Variants in CPM observed in about 807,000 individuals in gnomAD.
The protein encoded by CPM is renal carboxypeptidase.
A neutral mutation model predicts 46.4 loss-of-function variants in CPM; 35 were observed. The ratio of observed to expected loss-of-function variants is 0.75; its 90% CI spans 0.58 to 1.00. CPM has a LOEUF of 1.00. Ranked by LOEUF, CPM falls within the 50% of genes least tolerant of loss-of-function variation. The probability of loss-of-function intolerance (pLI) is 0.00; values close to 1 mark genes in which losing one functional copy is unlikely to be tolerated. For missense variants in CPM, 422 were observed against 530.4 expected, an observed-to-expected ratio of 0.80 and a Z score of 2.01; for synonymous variants, 195 against 195.3, an observed-to-expected ratio of 1.00 and a Z score of 0.01.
chr12:68,842,332 G>C (rs1883839433), intron 5 of CPM: 1 of 495,416 alleles, frequency 2.0e-6, no homozygotes, highest in Non-Finnish European at 4.0e-6. Flanking sequence ...GAACGCAGCT[G>C]GAAGAAAAGA....
At chr12:68,879,390 G>T (rs777028376) in intron 3 of CPM, among the ~76,000 whole-genome samples, 44 of 151,972 alleles carry the variant, frequency 2.9e-4, no homozygotes, top group Non-Finnish European at 6.2e-4. Context: ...TTAAGACAGG[G>T]TCTTGCTTTG....
chr12:68,856,521 G>C lies in CPM; in HGVS notation c.1248C>G (p.Tyr416Ter), dbSNP rs761928271. The change falls in exon 9 of 9, where the codon TAC becomes TAG. Residue 416 changes from tyrosine to a stop codon, truncating the protein, a stop_gained. Transcript: ENST00000551568. LOFTEE classifies it high-confidence loss of function. Reference sequence around the variant, plus strand: ...CAGCTGAGTGGTCTGGCAAATTTCTGTATAGAGGAATCATTGGGCATGAAG... The same window carrying C: ...CAGCTGAGTGGTCTGGCAAATTTCTCTATAGAGGAATCATTGGGCATGAAG... Reference protein sequence around the residue: ...SNPSCPMIPLYRNLPDHSAAT... With the variant: ...SNPSCPMIPL 1 of 1,614,084 alleles carries C rather than the reference G, an allele frequency of 6.2e-7. No individual in the cohort carries two copies. Among genetic ancestry groups the C allele is most frequent in the African/African-American group, 1.3e-5 (1 of 74,940 alleles).
upstream of CPM, among the ~76,000 whole-genome samples, chr12:68,936,780 GA>G (rs1304098010): frequency 1.3e-5 from 2 of 152,142 alleles, no homozygotes; most frequent in Non-Finnish European, 2.9e-5. Flanking sequence ...CTTCTGTACA[GA>G]AAACCTTATA....
At chr12:68,933,350 G>A (rs1014031361), upstream of CPM, 19 of 152,260 alleles carry the variant, frequency 1.2e-4, no homozygotes, top group Admixed American at 7.2e-4. Context: ...TTCGTGGCGC[G>A]GCTGCTGGTG....
chr12:68,871,677 G>A (rs1360318949), intron 4 of CPM, 107 bp downstream of exon 4: 3 of 1,203,246 alleles, frequency 2.5e-6, no homozygotes, highest in Non-Finnish European at 3.6e-6. Context: ...CACCGGCTCT[G>A]AGGGCTCTCA....
chr12:68,867,352 A>G (rs1363933459), intron 6 of CPM, among the ~76,000 whole-genome samples: 3 of 152,232 alleles, frequency 2.0e-5, no homozygotes, highest in Non-Finnish European at 4.4e-5. Flanking sequence ...CATTACAAAA[A>G]TGATTCTTTG....
chr12:68,962,059 GCA>G (rs1432345302), intron 1 of CPM, among the ~76,000 whole-genome samples: 31 of 152,118 alleles, frequency 2.0e-4, no homozygotes, highest in Admixed American at 1.3e-4. Context: ...AATTAGCCGG[GCA>G]CGGTGGTGGG....
intron 3 of CPM, among the ~76,000 whole-genome samples, chr12:68,873,579 C>A (rs1004234300): frequency 6.6e-6 from 1 of 150,626 alleles, no homozygotes; most frequent in Non-Finnish European, 1.5e-5. Flanking sequence ...GTAGGAGGAT[C>A]GCTTGTGCTG....
In CPM at chr12:68,855,538, C is replaced by T. The variant is rs1000426925; in HGVS notation, c.*899G>A. ...TATGCTTTGAAGCTCTATAGAGACA[C>T]AATCTTATCCCTTCAGGCCTGTATT... On this transcript the variant is annotated 3_prime_UTR_variant, in exon 9 of 9. Transcript: ENST00000551568. 1 of 152,046 alleles carries T rather than the reference C, an allele frequency of 6.6e-6. No individual in the cohort carries two copies. Among genetic ancestry groups the T allele is most frequent in the African/African-American group, 2.4e-5 (1 of 41,388 alleles). The allele number at this position is 152,046 out of a possible 1,614,324, so 9.4% of individuals were successfully genotyped here. A position where few individuals can be genotyped will look rare whatever the true frequency, so the allele number is the denominator to read the frequency against.
intron 4 of CPM, among the ~76,000 whole-genome samples, chr12:68,871,192 T>C (rs551777392): frequency 6.6e-6 from 1 of 152,362 alleles, no homozygotes; most frequent in Non-Finnish European, 1.5e-5. Context: ...CTTGGACTAC[T>C]GGCCTAATAA....
At chr12:68,879,707 A>G (rs936124900) in intron 3 of CPM, among the ~76,000 whole-genome samples, 2 of 152,176 alleles carry the variant, frequency 1.3e-5, no homozygotes, top group African/African-American at 2.4e-5. Flanking sequence ...CCTTGCTTCA[A>G]TATTTCCATT....
chr12:68,871,421 G>C (rs745792764), intron 4 of CPM, among the ~76,000 whole-genome samples: 18 of 152,148 alleles, frequency 1.2e-4, no homozygotes, highest in Admixed American at 2.6e-4. Flanking sequence ...CAGGTCGAGA[G>C]AAAGAGTCTT....
At chr12:68,918,602 C>T (rs1285760224) in intron 2 of CPM, among the ~76,000 whole-genome samples, 9 of 146,184 alleles carry the variant, frequency 6.2e-5, no homozygotes, top group African/African-American at 2.4e-4. Flanking sequence ...TCCTCCAATC[C>T]AATCCAATCT....
chr12:68,929,278 T>C (rs953337747), intron 2 of CPM, among the ~76,000 whole-genome samples: 1 of 152,192 alleles, frequency 6.6e-6, no homozygotes, highest in South Asian at 2.1e-4. Flanking sequence ...GTTTGTTTGC[T>C]TCCCATGCCT....
chr12:68,871,737 T>C, intron 4 of CPM, 47 bp downstream of exon 4: 1 of 1,603,778 alleles, frequency 6.2e-7, no homozygotes, highest in South Asian at 1.1e-5. Context: ...GTCGGGAGCC[T>C]TTGTGTTGTG....
At chr12:68,858,431 G>GAA (rs1354259756) in intron 8 of CPM, among the ~76,000 whole-genome samples, 2 of 152,018 alleles carry the variant, frequency 1.3e-5, no homozygotes, top group Non-Finnish European at 2.9e-5. Flanking sequence ...TTGCATCGAT[G>GAA]AAAAAAGGGC....
chr12:68,891,766 T>C (rs1158137001), intron 2 of CPM, among the ~76,000 whole-genome samples: 2 of 152,148 alleles, frequency 1.3e-5, no homozygotes, highest in Non-Finnish European at 2.9e-5. Context: ...TCTCGCTTTG[T>C]TGTTTTGTCC....
At chr12:68,948,391 C>T (rs1888881128) in intron 1 of CPM, among the ~76,000 whole-genome samples, 2 of 152,040 alleles carry the variant, frequency 1.3e-5, no homozygotes, top group South Asian at 2.1e-4. Context: ...GAGAGACTGA[C>T]ATGAAAAAGT....
At chr12:68,951,819 A>G (rs1888939919) in intron 1 of CPM, among the ~76,000 whole-genome samples, 1 of 152,204 alleles carries the variant, frequency 6.6e-6, no homozygotes, top group African/African-American at 2.4e-5. Flanking sequence ...GAATGGAAAT[A>G]TAAGGCTATT....
Sources: allele counts gnomAD v4.1 joint callset (sites outside exome capture counted in the v4.1 genomes callset), GRCh38; gene constraint gnomAD v4.1.1; transcripts MANE v1.5; gene names NCBI Gene and HGNC (gene_info 2026-07-23, HGNC 2026-07-21).